KCNMB2: variants seen among roughly 807,000 people sequenced by gnomAD.
KCNMB2 encodes potassium calcium-activated channel subfamily M regulatory beta subunit 2.
KCNMB2 carries 9 observed loss-of-function variants against 24.5 expected under a neutral mutation model. The ratio of observed to expected loss-of-function variants is 0.37; its 90% confidence interval spans 0.22 to 0.64. KCNMB2 has a LOEUF of 0.64. KCNMB2 is among the 30% of genes least tolerant of loss of function. KCNMB2 has a pLI of 0.63. For missense variants in KCNMB2, 226 were observed against 284.3 expected, an observed-to-expected ratio of 0.79 and a Z score of 1.47; for synonymous variants, 109 against 104.4, an observed-to-expected ratio of 1.04 and a Z score of -0.27.
chr3:178,689,005 AC>A (rs1298676012), intron 1 of KCNMB2, among the ~76,000 whole-genome samples: 3 of 152,202 alleles, frequency 2.0e-5, no homozygotes, highest in Non-Finnish European at 4.4e-5. Flanking sequence ...GAGAAAAGAA[AC>A]TAAACTTATC....
intron 1 of KCNMB2, among the ~76,000 whole-genome samples, chr3:178,614,297 G>C (rs7429292): frequency 1.8e-5 from 1 of 54,594 alleles, no homozygotes; most frequent in Non-Finnish European, 3.7e-5. Flanking sequence ...ATATATATAT[G>C]TATGTATATA....
At chr3:178,748,223 G>A (rs1327008495) in intron 1 of KCNMB2, 1 of 152,188 alleles carries the variant, frequency 6.6e-6, no homozygotes, top group Non-Finnish European at 1.5e-5. Context: ...GCAAGTTAAA[G>A]AAATTGAGAA....
intron 1 of KCNMB2, among the ~76,000 whole-genome samples, chr3:178,758,263 G>A (rs372606386): frequency 5.5e-4 from 5 of 9,022 alleles, no homozygotes; most frequent in East Asian, 2.6e-3. Flanking sequence ...TATCTCCAAG[G>A]GGATATATAT....
intron 1 of KCNMB2, among the ~76,000 whole-genome samples, chr3:178,670,369 G>A (rs1006812992): frequency 8.6e-5 from 13 of 151,810 alleles, no homozygotes; most frequent in African/African-American, 3.2e-4. Flanking sequence ...AAGGGGTGGG[G>A]ATTATAGAAG....
intron 1 of KCNMB2, among the ~76,000 whole-genome samples, chr3:178,608,623 T>C (rs1718364036): frequency 6.6e-6 from 1 of 152,196 alleles, no homozygotes; most frequent in Admixed American, 6.5e-5. Flanking sequence ...AGGTCTTATT[T>C]ATTCTTTCTA....
chr3:178,655,140 C>CTCTCTCTCTT (rs1560150745), intron 1 of KCNMB2, among the ~76,000 whole-genome samples: 1 of 130,118 alleles, frequency 7.7e-6, no homozygotes, highest in Non-Finnish European at 1.7e-5. Context: ...CTCTCTCTCT[C>CTCTCTCTCTT]TCTATCTCTA....
rs1009152103 is a variant in KCNMB2 at position 178,827,764 on chromosome 3, G to A, written c.228-414G>A. ...CTGTGCCTACAAACTGGGCTGGGGAGGGAGCTGGGATGCAGAAAGTACAAA... is the reference window on the plus strand; with the variant it reads ...CTGTGCCTACAAACTGGGCTGGGGAAGGAGCTGGGATGCAGAAAGTACAAA... On this transcript the variant is annotated intron_variant, in intron 3 of 4. Coordinates refer to ENST00000452583, the MANE Select transcript of KCNMB2 (RefSeq NM_181361.3). Among the ~76,000 whole-genome samples the A allele has an allele frequency of 3.3e-5, 5 of 152,164 alleles. No individual in the cohort carries two copies. In the South Asian group the frequency reaches 1.0e-3, roughly 32 times the overall value.
Position 178,759,747 on chromosome 3 carries a change from G to GAT in KCNMB2, c.-67-47591_-67-47590dup, listed in dbSNP as rs1421935261. 4.9e-4 allele frequency among the ~76,000 whole-genome samples: 7 copies of GAT among 14,238 alleles called. 2 individuals are homozygous for GAT. The highest frequency in any genetic ancestry group is 3.1e-3 in the African/African-American group (5 of 1,608). The allele number at this position is 14,238 out of a possible 152,430, so 9.3% of individuals were successfully genotyped here. A position where few individuals can be genotyped will look rare whatever the true frequency, so the allele number is the denominator to read the frequency against. On this transcript the variant is annotated intron_variant, in intron 1 of 4. Transcript: ENST00000452583. ...ATATACACATATATATATCCAAGAGGATATATCTATATATATATATCCAAG... is the reference window on the plus strand; with the variant it reads ...ATATACACATATATATATCCAAGAGGATATATATCTATATATATATATCCAAG...
chr3:178,759,434 G>GATAT (rs201627319), intron 1 of KCNMB2, among the ~76,000 whole-genome samples: 1 of 17,632 alleles, frequency 5.7e-5, no homozygotes, highest in African/African-American at 3.3e-4. Flanking sequence ...TCTCCAAGAG[G>GATAT]ATATATATAT....
intron 1 of KCNMB2, among the ~76,000 whole-genome samples, chr3:178,610,847 T>C (rs965725178): frequency 1.3e-5 from 2 of 152,250 alleles, no homozygotes; most frequent in South Asian, 4.1e-4. Context: ...CCCCACTTAA[T>C]ATGATACTAG....
At chr3:178,646,981 G>C (rs1431114213) in intron 1 of KCNMB2, among the ~76,000 whole-genome samples, 1 of 152,134 alleles carries the variant, frequency 6.6e-6, no homozygotes, top group Non-Finnish European at 1.5e-5. Flanking sequence ...AAATAAGTAT[G>C]ATCTTATAGC....
intron 1 of KCNMB2, among the ~76,000 whole-genome samples, chr3:178,538,385 G>T (rs1715478134): frequency 1.3e-5 from 2 of 152,314 alleles, no homozygotes; most frequent in South Asian, 4.1e-4. Context: ...AGTCAAGAAT[G>T]CATGTATAGA....
intron 1 of KCNMB2, among the ~76,000 whole-genome samples, chr3:178,740,345 C>T (rs1368615075): frequency 6.6e-6 from 1 of 152,104 alleles, no homozygotes; most frequent in Non-Finnish European, 1.5e-5. Flanking sequence ...TGGTCTCGAT[C>T]TCCTGACCTC....
At chr3:178,737,130 C>G (rs1032056991) in intron 1 of KCNMB2, among the ~76,000 whole-genome samples, 1 of 152,062 alleles carries the variant, frequency 6.6e-6, no homozygotes, top group Admixed American at 6.6e-5. Context: ...ATTAGCCAGG[C>G]GTGGCGGTGC....
Position 178,724,169 on chromosome 3 carries a change from T to C in KCNMB2, c.-67-83174T>C, listed in dbSNP as rs532122966. ...TCTGTTTTTGTTATTGTTTTTGTTG[T>C]TGTTGTTTTACTCTTTAGTAATAGC... On this transcript the variant is annotated intron_variant, in intron 1 of 4. Coordinates refer to ENST00000452583, the MANE Select transcript of KCNMB2 (RefSeq NM_181361.3). Among the ~76,000 whole-genome samples the C allele has an allele frequency of 2.0e-5, 3 of 152,150 alleles. No individual in the cohort carries two copies. The East Asian group carries it at 5.8e-4, about 29-fold the overall frequency.
At chr3:178,573,968 A>G (rs1015846134) in intron 1 of KCNMB2, among the ~76,000 whole-genome samples, 1 of 152,150 alleles carries the variant, frequency 6.6e-6, no homozygotes, top group Non-Finnish European at 1.5e-5. Flanking sequence ...AAATAAAGAA[A>G]CTTCACAGAG....
intron 1 of KCNMB2, among the ~76,000 whole-genome samples, chr3:178,716,246 A>G (rs1050485075): frequency 3.0e-4 from 45 of 152,206 alleles, no homozygotes; most frequent in African/African-American, 1.7e-4. Flanking sequence ...GATAGTATCA[A>G]ATATTTGTTG....
At chr3:178,571,558 C>T (rs1382459815) in intron 1 of KCNMB2, among the ~76,000 whole-genome samples, 1 of 148,378 alleles carries the variant, frequency 6.7e-6, no homozygotes, top group Non-Finnish European at 1.5e-5. Context: ...GATACATGTG[C>T]AGAACATGCA....
chr3:178,616,060 C>T (rs1335198841), intron 1 of KCNMB2, among the ~76,000 whole-genome samples: 1 of 151,964 alleles, frequency 6.6e-6, no homozygotes, highest in Admixed American at 6.6e-5. Flanking sequence ...TAAGTCTTCC[C>T]CACTCTTCCC....
Sources: allele counts gnomAD v4.1 joint callset (sites outside exome capture counted in the v4.1 genomes callset), GRCh38; gene constraint gnomAD v4.1.1; transcripts MANE v1.5; gene names NCBI Gene and HGNC (gene_info 2026-07-23, HGNC 2026-07-21).